Variants in NFAM1 observed in about 807,000 individuals in gnomAD.
NFAM1 encodes the protein NFAT activating protein with ITAM motif 1.
In NFAM1, 17 loss-of-function variants were observed where a neutral mutation model predicts 29.0. That is an observed-to-expected ratio of 0.59 (90% CI 0.40 to 0.88). The LOEUF (loss-of-function observed/expected upper bound fraction) is 0.88. Ranked by LOEUF, NFAM1 falls within the 40% of genes least tolerant of loss-of-function variation. The pLI, the probability that NFAM1 is intolerant of heterozygous loss-of-function variation, is 0.00. For missense variants in NFAM1, 324 were observed against 344.6 expected (o/e 0.94, Z 0.47); for synonymous variants, 175 against 147.2 (o/e 1.19, Z -1.36).
chr22:42,433,127 C>T (rs1289048633), upstream of NFAM1, among the ~76,000 whole-genome samples: 1 of 152,220 alleles, frequency 6.6e-6, no homozygotes, highest in Non-Finnish European at 1.5e-5. Context: ...GCAGCATCAG[C>T]CGGGGACAGG....
chr22:42,423,789 C>T (rs1930526303), intron 1 of NFAM1, among the ~76,000 whole-genome samples: 1 of 151,418 alleles, frequency 6.6e-6, no homozygotes, highest in Admixed American at 6.6e-5. Context: ...GGCATGATCT[C>T]AGCTCACTGC....
chr22:42,414,299 C>T (rs1601753248), intron 1 of NFAM1, among the ~76,000 whole-genome samples: 1 of 152,116 alleles, frequency 6.6e-6, no homozygotes, highest in African/African-American at 2.4e-5. Flanking sequence ...TATCTCCGGA[C>T]TCTACTGCAG....
At chr22:42,410,227 A>C (rs547524661) in intron 2 of NFAM1, 1 of 199,368 alleles carries the variant, frequency 5.0e-6, no homozygotes, top group African/African-American at 2.4e-5. Context: ...GGCAAGCAGC[A>C]GGACAGAGGT....
chr22:42,390,843 G>A (rs1045777398), intron 4 of NFAM1, among the ~76,000 whole-genome samples: 1 of 149,762 alleles, frequency 6.7e-6, no homozygotes, highest in Non-Finnish European at 1.5e-5. Flanking sequence ...AAAAGAGGGA[G>A]CAGCCGTGGC....
intron 1 of NFAM1, among the ~76,000 whole-genome samples, chr22:42,427,384 A>G (rs1930657505): frequency 6.6e-6 from 1 of 150,406 alleles, no homozygotes; most frequent in African/African-American, 2.5e-5. Context: ...CAGCCCTTCC[A>G]TCTCCTCCCC....
chr22:42,400,238 A>G (rs1395060455), intron 3 of NFAM1, among the ~76,000 whole-genome samples: 1 of 152,192 alleles, frequency 6.6e-6, no homozygotes, highest in Non-Finnish European at 1.5e-5. Flanking sequence ...GTAGCACTTG[A>G]CAGTTTACGA....
intron 4 of NFAM1, among the ~76,000 whole-genome samples, chr22:42,392,614 G>C (rs1345221941): frequency 6.6e-6 from 1 of 152,094 alleles, no homozygotes; most frequent in Non-Finnish European, 1.5e-5. Context: ...ATGTTTGCAA[G>C]CTGTAAACCA....
At chr22:42,389,327 AGGGCAGGAGCAGCTGCG>A (rs1929255277) in intron 4 of NFAM1, among the ~76,000 whole-genome samples, 1 of 152,124 alleles carries the variant, frequency 6.6e-6, no homozygotes, top group Non-Finnish European at 1.5e-5. Context: ...TGCAGTGGGC[AGGGCAGGAGCAGCTGCG>A]GGGCTGAGAA....
chr22:42,389,551 C>A (rs967010065), intron 4 of NFAM1, among the ~76,000 whole-genome samples: 5 of 148,420 alleles, frequency 3.4e-5, no homozygotes, highest in Admixed American at 3.3e-4. Flanking sequence ...GGTATGCCTG[C>A]TGGGAGATTG....
At chr22:42,436,201 C>A (rs962996287), upstream of NFAM1, among the ~76,000 whole-genome samples, 14 of 152,162 alleles carry the variant, frequency 9.2e-5, no homozygotes, top group African/African-American at 3.4e-4. Flanking sequence ...GTCCTGAGCT[C>A]TTCATGGTTC....
intron 1 of NFAM1, among the ~76,000 whole-genome samples, chr22:42,412,395 C>A (rs60410408): frequency 0.039 from 5,936 of 152,284 alleles, 368 homozygotes; most frequent in African/African-American, 0.14. Context: ...GTGAGAGCCC[C>A]TGTTTTATGA....
intron 1 of NFAM1, among the ~76,000 whole-genome samples, chr22:42,413,370 G>C (rs907622298): frequency 3.3e-5 from 5 of 152,210 alleles, no homozygotes; most frequent in Non-Finnish European, 7.3e-5. Flanking sequence ...CCCAAAGGGA[G>C]GCCAGCCTTC....
upstream of NFAM1, among the ~76,000 whole-genome samples, chr22:42,433,837 T>C (rs189827453): frequency 1.5e-3 from 226 of 152,316 alleles, no homozygotes; most frequent in African/African-American, 5.3e-3. Flanking sequence ...ACGCTATTCC[T>C]GGCTCCTGGG....
At chr22:42,416,296 C>A (rs986983862) in intron 1 of NFAM1, among the ~76,000 whole-genome samples, 1 of 152,086 alleles carries the variant, frequency 6.6e-6, no homozygotes, top group African/African-American at 2.4e-5. Flanking sequence ...ATAGTGAAAT[C>A]CCATCTCAAA....
At chr22:42,390,754 T>C (rs1433571678) in intron 4 of NFAM1, among the ~76,000 whole-genome samples, 1 of 145,100 alleles carries the variant, frequency 6.9e-6, no homozygotes, top group Non-Finnish European at 1.5e-5. Context: ...GAGGTAGAGG[T>C]TGCAGTGAGC....
At position 42,382,127 on chromosome 22, in the gene NFAM1, C is replaced by T. The variant is rs1158862768; in HGVS notation, c.*3034G>A. The T allele has an allele frequency of 6.6e-6, 1 of 152,388 alleles. No individual in the cohort carries two copies. The highest frequency in any genetic ancestry group is 2.4e-5 in the African/African-American group (1 of 41,438). 9.4% of individuals were successfully genotyped at this position (152,388 alleles called of 1,614,324 possible). ...CTGGTGTGCAGTGGTGCCACTTCGGCTCACTGCAACCTCTGTCTCCCAGGT... is the reference window on the plus strand; with the variant it reads ...CTGGTGTGCAGTGGTGCCACTTCGGTTCACTGCAACCTCTGTCTCCCAGGT... On this transcript the variant is annotated 3_prime_UTR_variant, in exon 6 of 6. Coordinates refer to ENST00000329021, the MANE Select transcript of NFAM1 (RefSeq NM_145912.8).
At chr22:42,396,561 T>C (rs1329603480) in intron 4 of NFAM1, among the ~76,000 whole-genome samples, 2 of 151,654 alleles carry the variant, frequency 1.3e-5, no homozygotes, top group East Asian at 3.9e-4. Context: ...GAGAGAGAAA[T>C]ATTTTCATCT....
At position 42,409,756 on chromosome 22, in the gene NFAM1, G is replaced by A. The variant is rs529234976; in HGVS notation, c.452-209C>T. Among the ~76,000 whole-genome samples the A allele has an allele frequency of 6.6e-6, 1 of 152,276 alleles. No individual in the cohort carries two copies. The highest frequency in any genetic ancestry group is 6.5e-5 in the Admixed American group (1 of 15,294). On this transcript the variant is annotated intron_variant, in intron 2 of 5. Transcript: ENST00000329021. This position sits in a 1 kb window ranked among gnomAD's most constrained non-coding sequence, Gnocchi z 4.9. ...GCTCACTGCCTTGCTTCTCTGTAAG[G>A]ACAGGGGCCATTTGCTCTTCCGGTG... is the stretch of plus-strand genomic sequence containing the variant.
chr22:42,385,401 C>G (rs1339688360), intron 5 of NFAM1, among the ~76,000 whole-genome samples, 181 bp from the exon 6 acceptor site: 2 of 151,916 alleles, frequency 1.3e-5, no homozygotes, highest in Admixed American at 1.3e-4. Context: ...ACCATGCTGC[C>G]CCCACCCCTG....
Sources: gnomAD v4.1 joint callset for allele counts (sites outside exome capture counted in the v4.1 genomes callset) on GRCh38, gnomAD v4.1.1 for gene constraint, Gnocchi (gnomAD v3.1) non-coding constraint, MANE v1.5 for transcripts, NCBI Gene and HGNC (gene_info 2026-07-23, HGNC 2026-07-21) for gene names.